Variants in MYL11 observed in about 807,000 individuals in gnomAD.
MYL11 encodes the protein myosin light chain 11.
chr16:30,376,624 C>T, the MYL11 span: 11 of 1,613,988 alleles, frequency 6.8e-6, no homozygotes, highest in African/African-American at 6.7e-5. Flanking sequence ...CCACAGGTGC[C>T]GACCCTGAGG....
the MYL11 span, among the ~76,000 whole-genome samples, chr16:30,374,486 T>C: frequency 6.6e-6 from 1 of 152,094 alleles, no homozygotes. Flanking sequence ...CACTCAGGGG[T>C]ACAGGATCTG....
chr16:30,377,614 G>A, the MYL11 span: 1 of 1,446,742 alleles, frequency 6.9e-7, no homozygotes, highest in Non-Finnish European at 9.2e-7. Context: ...AAAGGAACCA[G>A]GAACCCAATC....
the MYL11 span, chr16:30,377,512 C>T: frequency 1.3e-6 from 1 of 798,398 alleles, no homozygotes; most frequent in Non-Finnish European, 1.8e-6. Context: ...AGGGCAAAAG[C>T]GAGTGTCTGG....
the MYL11 span, chr16:30,377,939 G>A: frequency 1.3e-6 from 2 of 1,561,012 alleles, no homozygotes; most frequent in Non-Finnish European, 1.8e-6. Context: ...GCTTCTGTTC[G>A]GCCCGACCTC....
At chr16:30,376,047 G>A in the MYL11 span, 10 of 1,508,718 alleles carry the variant, frequency 6.6e-6, no homozygotes, top group African/African-American at 8.2e-5. Context: ...GGGTGGAAGA[G>A]GACAGTTGGC....
At chr16:30,375,830 G>A in the MYL11 span, 3 of 1,613,952 alleles carry the variant, frequency 1.9e-6, no homozygotes, top group Non-Finnish European at 2.5e-6. Context: ...GCACCCAAGA[G>A]GGCCAAGAGA....
chr16:30,376,602 G>A, the MYL11 span: 1 of 1,614,072 alleles, frequency 6.2e-7, no homozygotes, highest in African/African-American at 1.3e-5. Context: ...AGCTTCATGT[G>A]CCCTCTGACC....
At chr16:30,373,489 G>A in the MYL11 span, among the ~76,000 whole-genome samples, 1 of 151,988 alleles carries the variant, frequency 6.6e-6, no homozygotes, top group African/African-American at 2.4e-5. Flanking sequence ...CCAGCTACTC[G>A]GGAGGCTGAA....
chr16:30,374,880 C>CCCCT, the MYL11 span: 1 of 1,613,198 alleles, frequency 6.2e-7, no homozygotes, highest in Non-Finnish European at 8.5e-7. Context: ...AATCCTCCAA[C>CCCCT]CCCTGCCCAG....
the MYL11 span, chr16:30,375,964 G>T: frequency 2.5e-6 from 4 of 1,582,750 alleles, no homozygotes; most frequent in Non-Finnish European, 2.6e-6. Context: ...AGCCCTGCTG[G>T]CCCTCTCCCT....
At chr16:30,375,731 A>G in the MYL11 span, 3 of 1,085,352 alleles carry the variant, frequency 2.8e-6, no homozygotes, top group Non-Finnish European at 4.1e-6. Context: ...AGGAACAGGG[A>G]CTCGAAGAAT....
chr16:30,373,486 C>T, the MYL11 span, among the ~76,000 whole-genome samples: 3 of 151,968 alleles, frequency 2.0e-5, no homozygotes, highest in African/African-American at 4.8e-5. Flanking sequence ...GTCCCAGCTA[C>T]TCGGGAGGCT....
At chr16:30,374,943 C>A in the MYL11 span, 1 of 1,518,230 alleles carries the variant, frequency 6.6e-7, no homozygotes, top group East Asian at 2.3e-5. Context: ...AGCTGGTTCC[C>A]AGTCCAACAA....
chr16:30,376,645 C>A, the MYL11 span: 10 of 1,613,950 alleles, frequency 6.2e-6, no homozygotes, highest in African/African-American at 1.3e-5. Context: ...ATGTGATCAC[C>A]GGAGCCTTCA....
At chr16:30,376,563 C>T in the MYL11 span, 4 of 1,613,812 alleles carry the variant, frequency 2.5e-6, no homozygotes, top group South Asian at 2.2e-5. Context: ...GCCCCGGCTG[C>T]CTTTTCCCAG....
chr16:30,374,844 C>CG, the MYL11 span: 45 of 1,613,360 alleles, frequency 2.8e-5, no homozygotes, highest in Middle Eastern at 1.6e-4. Context: ...CCTTGCCCCC[C>CG]GGAGACTGAA....
the MYL11 span, chr16:30,377,989 T>G: frequency 7.4e-7 from 1 of 1,355,244 alleles, no homozygotes; most frequent in Admixed American, 2.0e-5. Flanking sequence ...TCTTTGTTTC[T>G]TATGGGCGGC....
the MYL11 span, chr16:30,376,249 T>C: frequency 2.5e-6 from 4 of 1,610,550 alleles, no homozygotes; most frequent in Non-Finnish European, 3.4e-6. Context: ...GGTGGGAATA[T>C]TCAAGGCTGC....
At chr16:30,374,347 A>G in the MYL11 span, among the ~76,000 whole-genome samples, 1 of 150,818 alleles carries the variant, frequency 6.6e-6, no homozygotes, top group African/African-American at 2.4e-5. Flanking sequence ...GGGTCTCACT[A>G]TGTTGCCCAG....
Sources: allele counts gnomAD v4.1 joint callset (sites outside exome capture counted in the v4.1 genomes callset), GRCh38; gene constraint gnomAD v4.1.1; transcripts MANE v1.5; gene names NCBI Gene and HGNC (gene_info 2026-07-23, HGNC 2026-07-21).